The following TBC1D22A variants were observed in gnomAD, a reference collection of about 807,000 sequenced individuals.
TBC1D22A encodes putative GTPase activator.
In TBC1D22A, 38 loss-of-function variants were observed where a neutral mutation model predicts 60.2. The observed-to-expected ratio is 0.63, with a 90% CI of 0.49 to 0.83. TBC1D22A has a LOEUF of 0.83. Among genes scored for constraint, TBC1D22A ranks in the 40% least tolerant of loss-of-function variants. The pLI, the probability that TBC1D22A is intolerant of heterozygous loss-of-function variation, is 0.00. For missense variants in TBC1D22A, 628 were observed against 701.0 expected (o/e 0.90, Z 1.18); for synonymous variants, 302 against 281.7 (o/e 1.07, Z -0.72).
intron 11 of TBC1D22A, among the ~76,000 whole-genome samples, chr22:47,056,933 C>T (rs1034963984): frequency 1.3e-5 from 2 of 152,142 alleles, no homozygotes; most frequent in Non-Finnish European, 2.9e-5. Context: ...GAGGTGCTGG[C>T]GGGCTGCAGT....
intron 4 of TBC1D22A, among the ~76,000 whole-genome samples, chr22:46,841,096 G>C (rs1244479695): frequency 2.6e-5 from 4 of 151,984 alleles, no homozygotes; most frequent in Non-Finnish European, 5.9e-5. Context: ...GAGAGAAAGA[G>C]AGAGAGAGAA....
chr22:46,994,760 C>A (rs1322355690), intron 9 of TBC1D22A, among the ~76,000 whole-genome samples: 4 of 152,224 alleles, frequency 2.6e-5, no homozygotes, highest in Non-Finnish European at 5.9e-5. Context: ...CAGAATTCCT[C>A]CACGAGGTTA....
intron 9 of TBC1D22A, among the ~76,000 whole-genome samples, chr22:46,995,203 G>A (rs2075079094): frequency 6.6e-6 from 1 of 152,148 alleles, no homozygotes; most frequent in Non-Finnish European, 1.5e-5. Flanking sequence ...CCTCTCCCCG[G>A]AGCCCATCCC....
chr22:46,833,467 C>T (rs2086393861), intron 4 of TBC1D22A, among the ~76,000 whole-genome samples: 1 of 152,212 alleles, frequency 6.6e-6, no homozygotes, highest in African/African-American at 2.4e-5. Flanking sequence ...GTGGCTTCTC[C>T]TGAGTCCCAC....
Position 47,063,463 on chromosome 22 carries a change from C to T in TBC1D22A, c.1329+26265C>T, listed in dbSNP as rs73471688. Among the ~76,000 whole-genome samples the T allele has an allele frequency of 8.9e-3, 1,359 of 152,202 alleles. 13 individuals are homozygous for T. The highest frequency in any genetic ancestry group is 0.031 in the African/African-American group (1,296 of 41,508). On this transcript the variant is annotated intron_variant, in intron 11 of 12. Transcript: ENST00000337137. ...AGAGGACAGCCTGCAGAGAGACCGG[C>T]GGGGGTGTGCACCAGGGCATACTGA...
At chr22:46,788,366 C>T (rs1027829088) in intron 1 of TBC1D22A, among the ~76,000 whole-genome samples, 3 of 152,216 alleles carry the variant, frequency 2.0e-5, no homozygotes, top group African/African-American at 4.8e-5. Flanking sequence ...AAATAATGCT[C>T]ATCTCTGTTA....
intron 9 of TBC1D22A, among the ~76,000 whole-genome samples, chr22:46,994,742 G>A (rs968873989): frequency 3.3e-5 from 5 of 152,126 alleles, no homozygotes; most frequent in Non-Finnish European, 7.3e-5. Flanking sequence ...TTGTTCAACC[G>A]GGCTCATCAG....
Position 47,167,670 on chromosome 22 carries a change from C to A in TBC1D22A, c.1426-5828C>A, listed in dbSNP as rs368908469. On this transcript the variant is annotated intron_variant, in intron 12 of 12. Coordinates refer to ENST00000337137, the MANE Select transcript of TBC1D22A (RefSeq NM_014346.5). ...AGAAGAGACCTGAAAGCAGGGTGGC[C>A]ATCTGTGAGGGTAAGTCCAGGGTTT... 2.0e-4 allele frequency among the ~76,000 whole-genome samples: 31 copies of A among 152,250 alleles called. No individual in the cohort carries two copies. In the East Asian group the frequency reaches 3.9e-3, roughly 19 times the overall value.
At chr22:46,792,744 C>A in intron 2 of TBC1D22A, 168 bp downstream of exon 2, 1 of 1,499,430 alleles carries the variant, frequency 6.7e-7, no homozygotes, top group South Asian at 1.3e-5. Context: ...ATACTGTGCA[C>A]CCCGTGCTGC....
At chr22:46,887,214 A>G (rs990630333) in intron 5 of TBC1D22A, among the ~76,000 whole-genome samples, 4 of 152,234 alleles carry the variant, frequency 2.6e-5, no homozygotes, top group Non-Finnish European at 2.9e-5. Flanking sequence ...CAGACACGCA[A>G]TGGCATCCCT....
intron 10 of TBC1D22A, among the ~76,000 whole-genome samples, chr22:47,035,476 A>G (rs1431847660): frequency 6.6e-6 from 1 of 152,108 alleles, no homozygotes; most frequent in East Asian, 1.9e-4. Flanking sequence ...CAGTTTCCAC[A>G]ATTAATTATT....
At chr22:47,025,732 G>A (rs1022711828) in intron 10 of TBC1D22A, among the ~76,000 whole-genome samples, 7 of 152,172 alleles carry the variant, frequency 4.6e-5, no homozygotes, top group South Asian at 2.1e-4. Flanking sequence ...GAGTGTGTGC[G>A]AAGAGGCTGT....
chr22:46,972,518 G>C (rs2074109242), intron 8 of TBC1D22A, among the ~76,000 whole-genome samples: 1 of 152,196 alleles, frequency 6.6e-6, no homozygotes, highest in Non-Finnish European at 1.5e-5. Flanking sequence ...AGAACATTGT[G>C]CTCAGTGAGA....
chr22:46,946,954 T>C (rs1263051119), intron 8 of TBC1D22A, among the ~76,000 whole-genome samples: 2 of 152,206 alleles, frequency 1.3e-5, no homozygotes, highest in East Asian at 3.9e-4. Flanking sequence ...ATGTTTGTAG[T>C]ACAGTCCAGT....
In TBC1D22A at chr22:46,906,687, C is replaced by T. The variant is rs191601812; in HGVS notation, c.901-5387C>T. Reference sequence around the variant, plus strand: ...AGCAAGTCACTAAGGAAAGGCTGCTCGCTCCGTTTCTCAGCCACATGTACT... The same window carrying T: ...AGCAAGTCACTAAGGAAAGGCTGCTTGCTCCGTTTCTCAGCCACATGTACT... On this transcript the variant is annotated intron_variant, in intron 7 of 12. Coordinates refer to ENST00000337137, the MANE Select transcript of TBC1D22A (RefSeq NM_014346.5). Among the ~76,000 whole-genome samples, 10 of 152,270 alleles carry T rather than the reference C, an allele frequency of 6.6e-5. 1 individual carries two copies. The highest frequency in any genetic ancestry group is 5.8e-4 in the East Asian group (3 of 5,182).
At chr22:46,989,178 G>A (rs1429346951) in intron 9 of TBC1D22A, among the ~76,000 whole-genome samples, 1 of 152,206 alleles carries the variant, frequency 6.6e-6, no homozygotes, top group Admixed American at 6.5e-5. Flanking sequence ...TCTGGATTAG[G>A]CTTTGGCTTA....
chr22:47,066,108 T>C (rs2063765706), intron 11 of TBC1D22A, among the ~76,000 whole-genome samples: 1 of 152,254 alleles, frequency 6.6e-6, no homozygotes, highest in African/African-American at 2.4e-5. Flanking sequence ...CAAAACACTT[T>C]GCATTGCAAC....
intron 9 of TBC1D22A, among the ~76,000 whole-genome samples, chr22:46,977,474 G>C (rs2074346478): frequency 6.6e-6 from 1 of 152,128 alleles, no homozygotes; most frequent in African/African-American, 2.4e-5. Context: ...GTGGACAGCT[G>C]ATGGAGGCGA....
chr22:46,801,687 G>A (rs1290387220), intron 4 of TBC1D22A, among the ~76,000 whole-genome samples: 1 of 152,248 alleles, frequency 6.6e-6, no homozygotes, highest in East Asian at 1.9e-4. Context: ...GCCTCGGAGG[G>A]CAAACTGTGT....
Sources: gnomAD v4.1 joint callset for allele counts (sites outside exome capture counted in the v4.1 genomes callset) on GRCh38, gnomAD v4.1.1 for gene constraint, MANE v1.5 for transcripts, NCBI Gene and HGNC (gene_info 2026-07-23, HGNC 2026-07-21) for gene names.